Variants in SEL1L2 observed in about 807,000 individuals in gnomAD.
SEL1L2 encodes the protein protein sel-1 homolog 2.
Under a neutral mutation model 98.8 loss-of-function variants are expected in SEL1L2, and 89 were observed. The observed-to-expected ratio is 0.90, with a 90% confidence interval of 0.76 to 1.07. The LOEUF (loss-of-function observed/expected upper bound fraction) is 1.07. SEL1L2 is among the 50% of genes least tolerant of loss of function. The pLI is 0.00. For missense variants in SEL1L2, 788 were observed against 812.0 expected, an observed-to-expected ratio of 0.97 and a Z score of 0.36; for synonymous variants, 262 against 278.5, an observed-to-expected ratio of 0.94 and a Z score of 0.59.
rs1569006493 is a variant in SEL1L2, at chr20:13,939,043, T to TTTTTTTTTTTTTTTTTTTTTTTTTTTC, written c.115-7273_115-7272insGAAAAAAAAAAAAAAAAAAAAAAAAAA. 5.1e-5 allele frequency among the ~76,000 whole-genome samples: 6 copies of TTTTTTTTTTTTTTTTTTTTTTTTTTTC among 117,640 alleles called. 1 individual carries two copies. The East Asian group carries it at 7.8e-4, about 15-fold the overall frequency. 77.2% of individuals were successfully genotyped at this position (117,640 alleles called of 152,430 possible). On this transcript the variant is annotated intron_variant, in intron 2 of 19. Transcript: ENST00000284951. ...TTTTGGTTTGTTTGCTTGTTTTGTT[T>TTTTTTTTTTTTTTTTTTTTTTTTTTTC]TTTTTTTTTTTTTTTTCTGAGATGG... is the stretch of plus-strand genomic sequence containing the variant.
At chr20:13,949,376 A>C (rs2050156086) in intron 2 of SEL1L2, among the ~76,000 whole-genome samples, 1 of 152,162 alleles carries the variant, frequency 6.6e-6, no homozygotes, top group Admixed American at 6.5e-5. Context: ...ATAAAAACAA[A>C]ACAACAGGCC....
chr20:13,992,852 G>T (rs1355992873), upstream of SEL1L2, among the ~76,000 whole-genome samples: 1 of 151,978 alleles, frequency 6.6e-6, no homozygotes, highest in Non-Finnish European at 1.5e-5. Flanking sequence ...TGGGAGGAGA[G>T]GATGAAAGAG....
chr20:13,976,881 G>A (rs1202322648), intron 1 of SEL1L2, among the ~76,000 whole-genome samples: 4 of 152,190 alleles, frequency 2.6e-5, no homozygotes, highest in African/African-American at 9.7e-5. Context: ...AAACGATTAG[G>A]AGATTCTGGT....
intron 18 of SEL1L2, among the ~76,000 whole-genome samples, chr20:13,855,739 G>T (rs1288900551): frequency 6.6e-6 from 1 of 152,200 alleles, no homozygotes; most frequent in Non-Finnish European, 1.5e-5. Context: ...GAGACTGGGG[G>T]CAGCCACATC....
intron 5 of SEL1L2, 172 bp downstream of exon 5, chr20:13,913,610 G>A (rs562691463): frequency 1.1e-5 from 5 of 460,660 alleles, no homozygotes; most frequent in Admixed American, 8.7e-5. Flanking sequence ...GGGGTTCGGA[G>A]GCTTCTGCTG....
chr20:13,955,377 A>G (rs978988376), intron 2 of SEL1L2, among the ~76,000 whole-genome samples: 2 of 152,052 alleles, frequency 1.3e-5, no homozygotes, highest in African/African-American at 2.4e-5. Flanking sequence ...AGGGAGCCCT[A>G]TGGACATCTG....
chr20:13,987,164 T>C (rs183713924), intron 1 of SEL1L2, among the ~76,000 whole-genome samples: 60 of 151,972 alleles, frequency 3.9e-4, no homozygotes, highest in Middle Eastern at 3.4e-3. Flanking sequence ...ACCGCAATTA[T>C]TTTTGCACCA....
intron 18 of SEL1L2, among the ~76,000 whole-genome samples, chr20:13,858,952 T>C (rs938527927): frequency 6.6e-6 from 1 of 152,262 alleles, no homozygotes; most frequent in East Asian, 1.9e-4. Context: ...TGAAGGAAAA[T>C]GGAGACAGGG....
At chr20:13,866,879 C>T in intron 14 of SEL1L2, 29 bp from the exon 15 acceptor site, 1 of 1,570,432 alleles carries the variant, frequency 6.4e-7, no homozygotes, top group Non-Finnish European at 8.6e-7. Flanking sequence ...TTGAGCCACC[C>T]CTTATTGACT....
intron 14 of SEL1L2, among the ~76,000 whole-genome samples, chr20:13,868,823 G>T (rs56116023): frequency 0.094 from 14,209 of 151,866 alleles, 789 homozygotes; most frequent in African/African-American, 0.15. Flanking sequence ...GGCCAGGCTG[G>T]TCTCGAATTC....
At chr20:13,972,379 AC>A (rs956121505) in intron 1 of SEL1L2, among the ~76,000 whole-genome samples, 1 of 152,172 alleles carries the variant, frequency 6.6e-6, no homozygotes, top group African/African-American at 2.4e-5. Flanking sequence ...CTATTTTATA[AC>A]ATCTGTTGCT....
intron 5 of SEL1L2, among the ~76,000 whole-genome samples, chr20:13,905,155 A>C (rs2148123910): frequency 6.6e-6 from 1 of 152,266 alleles, no homozygotes; most frequent in Non-Finnish European, 1.5e-5. Context: ...GAAAACTAAC[A>C]ATGGGTGATT....
chr20:13,974,195 C>T (rs1379628805), intron 1 of SEL1L2, among the ~76,000 whole-genome samples: 1 of 152,156 alleles, frequency 6.6e-6, no homozygotes, highest in Non-Finnish European at 1.5e-5. Context: ...TGCTCAGGGG[C>T]ACTTGTGCTT....
intron 5 of SEL1L2, among the ~76,000 whole-genome samples, chr20:13,901,165 G>A (rs566797890): frequency 4.5e-4 from 67 of 150,346 alleles, no homozygotes; most frequent in Non-Finnish European, 8.6e-4. Context: ...CCGCCTCCCG[G>A]GTTCATGCCA....
chr20:13,959,190 T>A (rs749293295), intron 1 of SEL1L2, among the ~76,000 whole-genome samples: 1 of 152,176 alleles, frequency 6.6e-6, no homozygotes, highest in Non-Finnish European at 1.5e-5. Flanking sequence ...TTTTAATGTG[T>A]CCTCTTTTCT....
At chr20:13,953,308 G>A (rs2050360808) in intron 2 of SEL1L2, among the ~76,000 whole-genome samples, 1 of 151,952 alleles carries the variant, frequency 6.6e-6, no homozygotes, top group Non-Finnish European at 1.5e-5. Context: ...TCACCTTCAG[G>A]CTATCAAACT....
chr20:13,870,134 A>C lies in SEL1L2; in HGVS notation c.1167+7T>G. On this transcript the variant is annotated splice_region_variant and intron_variant, in intron 13 of 19. Coordinates refer to ENST00000284951, the MANE Select transcript of SEL1L2 (RefSeq NM_025229.2). ...AAATAAAAAGATAATAAAATAATTT[A>C]ACTTACCAGGGGAACTCCTTTTCCA... The C allele has an allele frequency of 6.4e-7, 1 of 1,573,784 alleles. No individual in the cohort carries two copies. Among genetic ancestry groups the C allele is most frequent in the Non-Finnish European group, 8.7e-7 (1 of 1,150,810 alleles).
intron 4 of SEL1L2, among the ~76,000 whole-genome samples, chr20:13,918,551 G>C (rs557605618): frequency 1.1e-4 from 17 of 152,298 alleles, no homozygotes; most frequent in Admixed American, 7.8e-4. Flanking sequence ...TCTTAAAGGA[G>C]AAAAATTAAG....
intron 17 of SEL1L2, among the ~76,000 whole-genome samples, chr20:13,864,231 G>A (rs1990640462): frequency 6.6e-6 from 1 of 152,124 alleles, no homozygotes; most frequent in Non-Finnish European, 1.5e-5. Flanking sequence ...TTGCATTGAT[G>A]GCTGTTGCTG....
Sources: allele counts gnomAD v4.1 joint callset (sites outside exome capture counted in the v4.1 genomes callset), GRCh38; gene constraint gnomAD v4.1.1; transcripts MANE v1.5; gene names NCBI Gene and HGNC (gene_info 2026-07-23, HGNC 2026-07-21).